PAK5: variants seen among roughly 807,000 people sequenced by gnomAD.
PAK5 encodes the protein serine/threonine-protein kinase PAK 5.
PAK5 carries 16 observed loss-of-function variants against 65.9 expected under a neutral mutation model. That is an observed-to-expected ratio of 0.24 (90% CI 0.16 to 0.37). The LOEUF (loss-of-function observed/expected upper bound fraction) is 0.37, where lower values mean the gene tolerates loss of function less well. Ranked by LOEUF, PAK5 falls within the 10% of genes least tolerant of loss-of-function variation. The pLI is 1.00. For synonymous variants in PAK5, 371 were observed against 354.9 expected, an observed-to-expected ratio of 1.05 and a Z score of -0.51; for missense variants, 785 against 903.9, an observed-to-expected ratio of 0.87 and a Z score of 1.69.
chr20:9,661,905 A>T (rs2047352204), intron 2 of PAK5, among the ~76,000 whole-genome samples: 1 of 152,136 alleles, frequency 6.6e-6, no homozygotes, highest in Non-Finnish European at 1.5e-5. Flanking sequence ...TGAAATGATC[A>T]TTTAGGATAT....
At chr20:9,768,168 T>C (rs749665594) in intron 1 of PAK5, among the ~76,000 whole-genome samples, 13 of 152,102 alleles carry the variant, frequency 8.5e-5, no homozygotes, top group Non-Finnish European at 1.6e-4. Context: ...TTTTTCTTCC[T>C]GTTTAAGTTA....
At chr20:9,709,120 T>G (rs1005359185) in intron 2 of PAK5, among the ~76,000 whole-genome samples, 1 of 152,232 alleles carries the variant, frequency 6.6e-6, no homozygotes, top group African/African-American at 2.4e-5. Context: ...GACTTCCATT[T>G]GAAAGGCCTA....
chr20:9,735,902 A>ATAT (rs771260589), intron 1 of PAK5, among the ~76,000 whole-genome samples: 1 of 136,978 alleles, frequency 7.3e-6, no homozygotes, highest in African/African-American at 2.7e-5. Context: ...GAAACAATCT[A>ATAT]TTTTTTTTTT....
At chr20:9,806,183 T>G (rs1028706122) in intron 1 of PAK5, among the ~76,000 whole-genome samples, 4 of 152,120 alleles carry the variant, frequency 2.6e-5, no homozygotes, top group African/African-American at 9.7e-5. Flanking sequence ...GAGATGGGGT[T>G]TCACCATGTT....
intron 4 of PAK5, among the ~76,000 whole-genome samples, chr20:9,570,212 T>C (rs1405344580): frequency 1.3e-5 from 2 of 152,198 alleles, no homozygotes; most frequent in East Asian, 3.8e-4. Flanking sequence ...GTTATTATTA[T>C]ATAAAATGCT....
chr20:9,568,485 A>C (rs1188931187), intron 4 of PAK5, among the ~76,000 whole-genome samples: 1 of 152,208 alleles, frequency 6.6e-6, no homozygotes, highest in African/African-American at 2.4e-5. Flanking sequence ...TGTGATAATC[A>C]GCTTCCAAAT....
chr20:9,544,346 G>A (rs375528746), intron 8 of PAK5, 23 bp downstream of exon 8: 91 of 1,611,370 alleles, frequency 5.6e-5, no homozygotes, highest in Middle Eastern at 1.8e-4. Context: ...GTCCTGCCAC[G>A]CCTATGACTG....
At chr20:9,767,825 C>A (rs1296124011) in intron 1 of PAK5, among the ~76,000 whole-genome samples, 1 of 152,104 alleles carries the variant, frequency 6.6e-6, no homozygotes, top group African/African-American at 2.4e-5. Flanking sequence ...CTAAACACTT[C>A]CATGATAACA....
intron 1 of PAK5, among the ~76,000 whole-genome samples, chr20:9,802,734 T>C (rs1408192852): frequency 6.6e-6 from 1 of 151,296 alleles, no homozygotes; most frequent in Non-Finnish European, 1.5e-5. Context: ...AGTTAGGAGA[T>C]GTGATTGTTC....
intron 3 of PAK5, among the ~76,000 whole-genome samples, chr20:9,595,208 A>G (rs1297876342): frequency 1.3e-5 from 2 of 152,114 alleles, no homozygotes; most frequent in Non-Finnish European, 2.9e-5. Flanking sequence ...ATTTAATAGA[A>G]AAAGAAACAG....
chr20:9,669,798 T>A (rs575479795), intron 2 of PAK5, among the ~76,000 whole-genome samples: 1 of 152,120 alleles, frequency 6.6e-6, no homozygotes, highest in African/African-American at 2.4e-5. Context: ...ATACTTTAAG[T>A]TTTAGGGTAC....
rs142990659 is a variant in PAK5 at position 9,704,095 on chromosome 20, C to T, written c.-12+7191G>A. Reference sequence around the variant, plus strand: ...CATCCATCCAAATGAACTCATCCCACGTCTCCTTATTCCGAACATGGCCCT... The same window carrying T: ...CATCCATCCAAATGAACTCATCCCATGTCTCCTTATTCCGAACATGGCCCT... On this transcript the variant is annotated intron_variant, in intron 2 of 9. Transcript: ENST00000353224. Among the ~76,000 whole-genome samples, 685 of 152,210 alleles carry T rather than the reference C, an allele frequency of 4.5e-3. 3 individuals are homozygous for T. The highest frequency in any genetic ancestry group is 0.013 in the African/African-American group (554 of 41,552).
At chr20:9,815,598 C>T (rs1467184380) in intron 1 of PAK5, among the ~76,000 whole-genome samples, 1 of 152,056 alleles carries the variant, frequency 6.6e-6, no homozygotes, top group Non-Finnish European at 1.5e-5. Flanking sequence ...ATGGTCCCGT[C>T]GGTTATAATT....
intron 7 of PAK5, among the ~76,000 whole-genome samples, chr20:9,551,473 T>C (rs2045426528): frequency 1.3e-5 from 2 of 152,156 alleles, no homozygotes; most frequent in South Asian, 4.1e-4. Context: ...CTCTCACGTG[T>C]CCTGGCCAGG....
intron 2 of PAK5, among the ~76,000 whole-genome samples, chr20:9,688,670 A>G (rs2047752777): frequency 1.3e-5 from 2 of 152,026 alleles, no homozygotes; most frequent in Non-Finnish European, 2.9e-5. Context: ...AAGCTCACAT[A>G]GCATGAACAC....
intron 3 of PAK5, among the ~76,000 whole-genome samples, chr20:9,631,072 T>C (rs1252945113): frequency 6.6e-6 from 1 of 152,138 alleles, no homozygotes; most frequent in African/African-American, 2.4e-5. Context: ...GTTTGGACTT[T>C]GAGATGATGC....
chr20:9,656,449 A>G (rs1340465409), intron 2 of PAK5, among the ~76,000 whole-genome samples: 1 of 152,136 alleles, frequency 6.6e-6, no homozygotes, highest in African/African-American at 2.4e-5. Context: ...TGGAAGAGAG[A>G]GGACCCAGTC....
At chr20:9,804,746 A>T (rs1042256449) in intron 1 of PAK5, among the ~76,000 whole-genome samples, 1 of 152,140 alleles carries the variant, frequency 6.6e-6, no homozygotes, top group Non-Finnish European at 1.5e-5. Flanking sequence ...CTTTCATGCA[A>T]AGGACACTAT....
chr20:9,598,183 C>T (rs1311005441), intron 3 of PAK5, among the ~76,000 whole-genome samples: 2 of 152,144 alleles, frequency 1.3e-5, no homozygotes, highest in African/African-American at 4.8e-5. Context: ...TTGTTCAGCT[C>T]CCACTTATGA....
Sources: allele counts gnomAD v4.1 joint callset (sites outside exome capture counted in the v4.1 genomes callset), GRCh38; gene constraint gnomAD v4.1.1; transcripts MANE v1.5; gene names NCBI Gene and HGNC (gene_info 2026-07-23, HGNC 2026-07-21).